FBRSL1: variants seen among roughly 807,000 people sequenced by gnomAD.
FBRSL1 encodes fibrosin-1-like protein.
Under a neutral mutation model 89.6 loss-of-function variants are expected in FBRSL1, and 51 were observed. The observed-to-expected ratio is 0.57, with a 90% CI of 0.45 to 0.72. The LOEUF is 0.72. FBRSL1 is among the 30% of genes least tolerant of loss of function. The pLI is 0.00. For missense variants in FBRSL1, 1,618 were observed against 1,451.8 expected (o/e 1.11, Z -1.86); for synonymous variants, 779 against 681.1 (o/e 1.14, Z -2.24).
At position 132,546,063 on chromosome 12, in the gene FBRSL1, C is replaced by T. The variant is rs143486587; in HGVS notation, c.616-1940C>T. Among the ~76,000 whole-genome samples, 26 of 152,346 alleles carry T rather than the reference C, an allele frequency of 1.7e-4. No homozygotes were observed. Among genetic ancestry groups the T allele is most frequent in the African/African-American group, 4.6e-4 (19 of 41,574 alleles). On this transcript the variant is annotated intron_variant, in intron 4 of 18. Transcript: ENST00000680143. This position sits in a 1 kb window ranked among gnomAD's most constrained non-coding sequence, Gnocchi z 4.0. ...TCTCGGCTCCTGCTTTGCCCTCTTC[C>T]GGTCCCCTCAGCCCTGGCGTGTTCT...
intron 11 of FBRSL1, among the ~76,000 whole-genome samples, chr12:132,573,740 C>G (rs943342087): frequency 6.6e-6 from 1 of 152,140 alleles, no homozygotes; most frequent in African/African-American, 2.4e-5. Flanking sequence ...GGGAAACGAC[C>G]ATCTCCCCTT....
At position 132,499,376 on chromosome 12, in the gene FBRSL1, G is replaced by A. The variant is rs143262238; in HGVS notation, c.291+8515G>A. The stretch of plus-strand genomic sequence containing the variant: ...AGGCCAGGTGAGCCGCTGGCCAGCA[G>A]GGAAGGGTTCTGAGCTGTTCTGCTT... On this transcript the variant is annotated intron_variant, in intron 1 of 18. Transcript: ENST00000680143. The surrounding 1 kb of genome is among the most constrained non-coding windows in gnomAD (Gnocchi z 4.3). Among the ~76,000 whole-genome samples the A allele has an allele frequency of 7.8e-3, 1,182 of 152,286 alleles. 7 individuals are homozygous for A. Among genetic ancestry groups the A allele is most frequent in the Non-Finnish European group, 0.013 (883 of 67,998 alleles).
At chr12:132,531,569 AC>A in intron 4 of FBRSL1, among the ~76,000 whole-genome samples, 1 of 142,090 alleles carries the variant, frequency 7.0e-6, no homozygotes, top group Admixed American at 6.9e-5. Context: ...GTGTGTGTGC[AC>A]CCGCGTGTGT....
At chr12:132,517,831 G>C (rs1022278265) in intron 2 of FBRSL1, among the ~76,000 whole-genome samples, 1 of 152,160 alleles carries the variant, frequency 6.6e-6, no homozygotes, top group Non-Finnish European at 1.5e-5. Flanking sequence ...GAGGCAGCAC[G>C]GTTGTGGGGG....
chr12:132,576,285 C>T (rs1458387077), intron 14 of FBRSL1, among the ~76,000 whole-genome samples: 1 of 151,830 alleles, frequency 6.6e-6, no homozygotes, highest in South Asian at 2.1e-4. Flanking sequence ...CTCCACCTCC[C>T]GGCTTCAAGT....
intron 4 of FBRSL1, among the ~76,000 whole-genome samples, chr12:132,545,442 G>A (rs945481628): frequency 1.3e-5 from 2 of 152,206 alleles, no homozygotes; most frequent in Admixed American, 6.5e-5. Context: ...CCCTGCCTGC[G>A]CCTGGCTGAC....
intron 1 of FBRSL1, among the ~76,000 whole-genome samples, chr12:132,497,005 G>A (rs1294980025): frequency 6.6e-6 from 1 of 152,278 alleles, no homozygotes; most frequent in Non-Finnish European, 1.5e-5. Context: ...CTGGCGGGCC[G>A]TGTTGGTGGA....
At chr12:132,568,224 C>T (rs894030933) in intron 6 of FBRSL1, among the ~76,000 whole-genome samples, 1 of 152,338 alleles carries the variant, frequency 6.6e-6, no homozygotes, top group East Asian at 1.9e-4. Flanking sequence ...GGCAGGGCCA[C>T]GGGGTCTCGG....
chr12:132,583,565 C>T lies in FBRSL1; in HGVS notation c.2796C>T (p.Arg932=). ...CGCTGGGAGCCCTGCACTTCCCGCG[C>T]CTCTCGCCCGCCGCGCTGCACAATG... The part of the protein sequence containing the change: ...LPSLGALHFP[R]LSPAALHNGL... The change falls in exon 19 of 19, where the codon CGC becomes CGT. Residue 932 remains arginine, a synonymous_variant. Transcript: ENST00000680143. The T allele has an allele frequency of 9.7e-7, 1 of 1,029,204 alleles. No individual in the cohort carries two copies. Among genetic ancestry groups the T allele is most frequent in the Non-Finnish European group, 1.2e-6 (1 of 858,174 alleles). 63.8% of individuals were successfully genotyped at this position (1,029,204 alleles called of 1,614,324 possible). A position where few individuals can be genotyped will look rare whatever the true frequency, so the allele number is the denominator to read the frequency against.
At chr12:132,580,709 T>C (rs1425471557) in intron 15 of FBRSL1, 3 of 930,446 alleles carry the variant, frequency 3.2e-6, no homozygotes, top group South Asian at 4.9e-5. Flanking sequence ...ATGGGAGGCA[T>C]GAGCACCCCA....
intron 1 of FBRSL1, among the ~76,000 whole-genome samples, chr12:132,501,032 G>A (rs1409364913): frequency 6.6e-6 from 1 of 152,220 alleles, no homozygotes; most frequent in Non-Finnish European, 1.5e-5. Context: ...CAGGAGCTGG[G>A]CGGGGAAGGA....
chr12:132,547,875 T>C (rs2037831059), intron 4 of FBRSL1, 128 bp from the exon 5 acceptor site: 1 of 964,536 alleles, frequency 1.0e-6, no homozygotes, highest in Non-Finnish European at 1.6e-6. Flanking sequence ...GGCCTGCTGG[T>C]ACCTCCCTCT....
intron 4 of FBRSL1, among the ~76,000 whole-genome samples, chr12:132,535,331 C>T (rs781560795): frequency 3.1e-4 from 47 of 152,164 alleles, no homozygotes; most frequent in Admixed American, 2.7e-3. Flanking sequence ...CTGGCCCAGC[C>T]GGAGCTGTGC....
chr12:132,503,276 T>C (rs1370635317), intron 1 of FBRSL1, among the ~76,000 whole-genome samples: 3 of 152,174 alleles, frequency 2.0e-5, no homozygotes, highest in African/African-American at 7.2e-5. Context: ...GGTCCGTTGC[T>C]AGGCGAGAGC....
intron 5 of FBRSL1, chr12:132,551,565 T>C (rs1198556396): frequency 1.3e-5 from 6 of 456,266 alleles, no homozygotes; most frequent in South Asian, 9.3e-5. Flanking sequence ...TGAGCTTGGT[T>C]TGGGGTGCCA....
chr12:132,557,472 G>A (rs2038771678), intron 5 of FBRSL1, among the ~76,000 whole-genome samples: 1 of 152,128 alleles, frequency 6.6e-6, no homozygotes, highest in South Asian at 2.1e-4. Flanking sequence ...CCAAACTGGG[G>A]CGCAGGGCTG....
chr12:132,502,566 C>T (rs2033121637), intron 1 of FBRSL1, among the ~76,000 whole-genome samples: 2 of 152,122 alleles, frequency 1.3e-5, no homozygotes, highest in Non-Finnish European at 2.9e-5. Flanking sequence ...ACTGGGCAGC[C>T]TCTTTCACCC....
At position 132,574,371 on chromosome 12, in the gene FBRSL1, C is replaced by T. The variant is rs941267853; in HGVS notation, c.1629+23C>T. On this transcript the variant is annotated intron_variant, in intron 13 of 18. Transcript: ENST00000680143. ...AAGGTGAGCACGTGTTGGGAAGGCC[C>T]GTGGCAAGGGAGGACTCTGGTGCCC... is the stretch of plus-strand genomic sequence containing the variant. The T allele has an allele frequency of 1.3e-5, 20 of 1,549,780 alleles. No homozygotes were observed. Among genetic ancestry groups the T allele is most frequent in the Middle Eastern group, 1.7e-4 (1 of 5,986 alleles).
chr12:132,516,656 T>C (rs573898996), intron 2 of FBRSL1, among the ~76,000 whole-genome samples: 27 of 152,318 alleles, frequency 1.8e-4, no homozygotes, highest in African/African-American at 6.5e-4. Context: ...ATGCATCAGC[T>C]TGTTTAACTG....
Sources: gnomAD v4.1 joint callset for allele counts (sites outside exome capture counted in the v4.1 genomes callset) on GRCh38, gnomAD v4.1.1 for gene constraint, Gnocchi (gnomAD v3.1) non-coding constraint, MANE v1.5 for transcripts, NCBI Gene and HGNC (gene_info 2026-07-23, HGNC 2026-07-21) for gene names.